Variants in PRKCA observed in about 807,000 individuals in gnomAD.
PRKCA encodes protein kinase C alpha, also known as protein kinase C alpha type.
PRKCA carries 27 observed loss-of-function variants against 87.0 expected under a neutral mutation model. The ratio of observed to expected loss-of-function variants is 0.31; its 90% confidence interval spans 0.23 to 0.43. The LOEUF (loss-of-function observed/expected upper bound fraction) is 0.43. PRKCA is among the 20% of genes least tolerant of loss of function. The pLI is 1.00. For synonymous variants in PRKCA, 329 were observed against 311.1 expected, an observed-to-expected ratio of 1.06 and a Z score of -0.61; for missense variants, 518 against 852.3, an observed-to-expected ratio of 0.61 and a Z score of 4.88.
At chr17:66,466,195 C>G (rs1261600321) in intron 2 of PRKCA, among the ~76,000 whole-genome samples, 2 of 152,204 alleles carry the variant, frequency 1.3e-5, no homozygotes, top group Non-Finnish European at 2.9e-5. Flanking sequence ...TCTCCTCACT[C>G]TAGACGCCTG....
chr17:66,460,275 T>A (rs561059836), intron 2 of PRKCA, among the ~76,000 whole-genome samples: 1 of 152,328 alleles, frequency 6.6e-6, no homozygotes, highest in African/African-American at 2.4e-5. Flanking sequence ...TCCATATGGC[T>A]GAAGTCGTGG....
chr17:66,614,194 T>C (rs1326899120), intron 3 of PRKCA, among the ~76,000 whole-genome samples: 1 of 152,160 alleles, frequency 6.6e-6, no homozygotes, highest in East Asian at 1.9e-4. Flanking sequence ...GGCAGGGGGT[T>C]GGGAGGATGG....
chr17:66,773,795 G>C (rs1405334626), intron 13 of PRKCA, among the ~76,000 whole-genome samples, 192 bp from the exon 14 acceptor site: 1 of 152,086 alleles, frequency 6.6e-6, no homozygotes, highest in Non-Finnish European at 1.5e-5. Flanking sequence ...CGTGGGCAGT[G>C]AATCACGGGG....
intron 2 of PRKCA, among the ~76,000 whole-genome samples, chr17:66,475,167 A>G (rs1053246669): frequency 4.6e-5 from 7 of 152,190 alleles, no homozygotes; most frequent in African/African-American, 1.4e-4. Context: ...CTCTTGTTGG[A>G]AAACTTATGC....
chr17:66,675,659 C>T (rs1240070726), intron 5 of PRKCA, among the ~76,000 whole-genome samples: 2 of 152,152 alleles, frequency 1.3e-5, no homozygotes, highest in African/African-American at 2.4e-5. Flanking sequence ...AGCCCAGAGG[C>T]CCAGAGTGTT....
Position 66,805,562 on chromosome 17 carries a change from T to C in PRKCA, c.*1525T>C, listed in dbSNP as rs1976012410. ...CTAGTTTACGTGATAGATTAGGCTC[T>C]TACTACATATGTGTGTGTATATATA... On this transcript the variant is annotated 3_prime_UTR_variant, in exon 17 of 17. Coordinates refer to ENST00000413366, the MANE Select transcript of PRKCA (RefSeq NM_002737.3). The C allele has an allele frequency of 6.6e-6, 1 of 152,332 alleles. No individual in the cohort carries two copies. The allele number at this position is 152,332 out of a possible 1,614,324, so 9.4% of individuals were successfully genotyped here.
intron 2 of PRKCA, among the ~76,000 whole-genome samples, chr17:66,362,196 G>A (rs938177812): frequency 6.6e-6 from 1 of 151,976 alleles, no homozygotes. Flanking sequence ...CCACCACACT[G>A]GAGTAACTTT....
intron 2 of PRKCA, among the ~76,000 whole-genome samples, chr17:66,489,549 A>G (rs1208679870): frequency 1.3e-5 from 2 of 151,646 alleles, no homozygotes; most frequent in Non-Finnish European, 2.9e-5. Context: ...ATTATTGACA[A>G]CTATGTGCTC....
chr17:66,472,579 C>A (rs994394446), intron 2 of PRKCA, among the ~76,000 whole-genome samples: 2 of 152,162 alleles, frequency 1.3e-5, no homozygotes, highest in Non-Finnish European at 2.9e-5. Context: ...TGCTCAGTTG[C>A]CAAAATAGAA....
At position 66,745,659 on chromosome 17, in the gene PRKCA, C is replaced by T. The variant is rs537528158; in HGVS notation, c.1524+2899C>T. ...TCGTGCCACTGCACTCCAGCCTGGG[C>T]AACGGAGTGAGACACCGTCTCAAAA... On this transcript the variant is annotated intron_variant, in intron 13 of 16. Transcript: ENST00000413366. 3.5e-4 allele frequency among the ~76,000 whole-genome samples: 53 copies of T among 152,254 alleles called. 1 individual carries two copies. The highest frequency in any genetic ancestry group is 3.3e-3 in the South Asian group (16 of 4,812).
At chr17:66,800,080 T>G (rs748607792) in intron 16 of PRKCA, among the ~76,000 whole-genome samples, 1 of 152,204 alleles carries the variant, frequency 6.6e-6, no homozygotes, top group South Asian at 2.1e-4. Flanking sequence ...TGTCCCGTGG[T>G]TGATGTGGCT....
rs143522798 is a variant in PRKCA, at chr17:66,570,534, G to A, written c.289-70821G>A. On this transcript the variant is annotated intron_variant, in intron 3 of 16. Coordinates refer to ENST00000413366, the MANE Select transcript of PRKCA (RefSeq NM_002737.3). ...GCAGCGTGTTGCTACTGTCTGTGAT[G>A]CCTGCGAGGCATGGGTGAGAGGAGG... 1.3e-4 allele frequency among the ~76,000 whole-genome samples: 20 copies of A among 152,318 alleles called. 1 individual carries two copies. Among genetic ancestry groups the A allele is most frequent in the African/African-American group, 3.8e-4 (16 of 41,570 alleles).
intron 13 of PRKCA, among the ~76,000 whole-genome samples, chr17:66,757,566 G>A (rs1290270689): frequency 1.7e-5 from 2 of 119,052 alleles, no homozygotes; most frequent in African/African-American, 3.6e-5. Context: ...TTAAAGCTTT[G>A]GGAGGAAAAA....
intron 4 of PRKCA, among the ~76,000 whole-genome samples, chr17:66,644,132 C>G (rs748942847): frequency 6.6e-6 from 1 of 152,174 alleles, no homozygotes; most frequent in Non-Finnish European, 1.5e-5. Context: ...TGGCTAAATT[C>G]GAGGTGTAGA....
intron 3 of PRKCA, among the ~76,000 whole-genome samples, chr17:66,577,108 G>A (rs9906548): frequency 0.036 from 5,433 of 152,102 alleles, 352 homozygotes; most frequent in African/African-American, 0.12. Context: ...GGGCTGAAGC[G>A]ATCTGCCTGC....
chr17:66,308,413 G>A (rs1282460265), intron 2 of PRKCA, among the ~76,000 whole-genome samples: 2 of 151,488 alleles, frequency 1.3e-5, no homozygotes, highest in Non-Finnish European at 1.5e-5. Context: ...TTTCAAATGT[G>A]TTTTAGCCAT....
intron 5 of PRKCA, among the ~76,000 whole-genome samples, chr17:66,656,148 G>T (rs1324994393): frequency 6.6e-6 from 1 of 152,198 alleles, no homozygotes; most frequent in African/African-American, 2.4e-5. Flanking sequence ...AGAGTTGCCA[G>T]TGTCATTTCC....
rs1010668156 is a variant in PRKCA, at chr17:66,808,842, C to G, written c.*4805C>G. On this transcript the variant is annotated 3_prime_UTR_variant, in exon 17 of 17. Transcript: ENST00000413366. ...TCTCCTGCCTCAGCCTCCCAAGTAC[C>G]TGGGACTACAGGTGCGTGCCACCAC... is the stretch of plus-strand genomic sequence containing the variant. 2.0e-5 allele frequency: 3 copies of G among 152,440 alleles called. No homozygotes were observed. Among genetic ancestry groups the G allele is most frequent in the Non-Finnish European group, 2.9e-5 (2 of 68,266 alleles). 9.4% of individuals were successfully genotyped at this position (152,440 alleles called of 1,614,324 possible).
At chr17:66,637,371 G>A (rs541300780) in intron 3 of PRKCA, among the ~76,000 whole-genome samples, 38 of 152,156 alleles carry the variant, frequency 2.5e-4, no homozygotes, top group Admixed American at 1.6e-3. Context: ...TGCGCCCTCC[G>A]CACTGTAGGA....
Sources: gnomAD v4.1 joint callset for allele counts (sites outside exome capture counted in the v4.1 genomes callset) on GRCh38, gnomAD v4.1.1 for gene constraint, MANE v1.5 for transcripts, NCBI Gene and HGNC (gene_info 2026-07-23, HGNC 2026-07-21) for gene names.